PITPNC1: variants seen among roughly 807,000 people sequenced by gnomAD.
PITPNC1 encodes cytoplasmic phosphatidylinositol transfer protein 1.
A neutral mutation model predicts 44.7 loss-of-function variants in PITPNC1; 18 were observed. That is an observed-to-expected ratio of 0.40 (90% CI 0.28 to 0.60). The LOEUF (loss-of-function observed/expected upper bound fraction) is 0.60. Among genes scored for constraint, PITPNC1 ranks in the 20% least tolerant of loss-of-function variants. The pLI is 0.39. For synonymous variants in PITPNC1, 141 were observed against 149.6 expected (o/e 0.94, Z 0.42); for missense variants, 290 against 418.4 (o/e 0.69, Z 2.68).
chr17:67,415,394 C>G (rs904821140), intron 1 of PITPNC1, among the ~76,000 whole-genome samples: 1 of 152,188 alleles, frequency 6.6e-6, no homozygotes, highest in Non-Finnish European at 1.5e-5. Context: ...ACAAGACGCA[C>G]GTCATCGTCT....
At chr17:67,689,052 A>G (rs1293339234) in intron 8 of PITPNC1, among the ~76,000 whole-genome samples, 1 of 152,054 alleles carries the variant, frequency 6.6e-6, no homozygotes, top group Admixed American at 6.6e-5. Flanking sequence ...AAAATACAAA[A>G]TTAGCTGGGC....
At chr17:67,584,985 G>A (rs144122298) in intron 5 of PITPNC1, among the ~76,000 whole-genome samples, 2,517 of 152,100 alleles carry the variant, frequency 0.017, 34 homozygotes, top group South Asian at 0.045. Context: ...GCATGGTGGC[G>A]CATGCCTGTA....
At chr17:67,513,338 A>C (rs975401627) in intron 1 of PITPNC1, among the ~76,000 whole-genome samples, 77 of 149,748 alleles carry the variant, frequency 5.1e-4, no homozygotes, top group South Asian at 1.0e-3. Context: ...AGCCTGGGTG[A>C]CACAGGAAGA....
Position 67,597,326 on chromosome 17 carries a change from G to T in PITPNC1, c.366+19069G>T, listed in dbSNP as rs1456179080. Among the ~76,000 whole-genome samples the T allele has an allele frequency of 6.6e-6, 1 of 152,132 alleles. No homozygotes were observed. The highest frequency in any genetic ancestry group is 1.5e-5 in the Non-Finnish European group (1 of 68,030). On this transcript the variant is annotated intron_variant, in intron 5 of 8. Transcript: ENST00000581322. This position sits in a 1 kb window ranked among gnomAD's most constrained non-coding sequence, Gnocchi z 4.0. ...CCCCGCACTTTGGGAGGCCAAAGTG[G>T]GTATCTTACTTGAAGTCAGGAATTC...
chr17:67,665,376 A>C (rs1296341982), intron 6 of PITPNC1, among the ~76,000 whole-genome samples: 1 of 152,130 alleles, frequency 6.6e-6, no homozygotes, highest in African/African-American at 2.4e-5. Context: ...TACAGGCGTG[A>C]GCCACTGCAC....
chr17:67,383,560 C>G (rs1384345867), intron 1 of PITPNC1, among the ~76,000 whole-genome samples: 1 of 152,130 alleles, frequency 6.6e-6, no homozygotes, highest in Non-Finnish European at 1.5e-5. Flanking sequence ...CGCAGCCACT[C>G]GGTCCCAGTG....
chr17:67,400,704 G>T (rs2038294364), intron 1 of PITPNC1, among the ~76,000 whole-genome samples: 2 of 151,536 alleles, frequency 1.3e-5, no homozygotes, highest in Admixed American at 1.3e-4. Flanking sequence ...TTCCTAATGT[G>T]ATTCTTCTTA....
At chr17:67,509,763 G>A (rs761431555) in intron 1 of PITPNC1, among the ~76,000 whole-genome samples, 38 of 152,136 alleles carry the variant, frequency 2.5e-4, no homozygotes, top group Admixed American at 2.4e-3. Context: ...TGGGGGTGGG[G>A]AGGAAGAATC....
At chr17:67,664,817 A>G (rs1243622891) in intron 6 of PITPNC1, among the ~76,000 whole-genome samples, 1 of 151,524 alleles carries the variant, frequency 6.6e-6, no homozygotes, top group Non-Finnish European at 1.5e-5. Context: ...AGGCAAAAGA[A>G]TTGCTTGAAC....
chr17:67,533,937 CA>C (rs2040495626), intron 2 of PITPNC1, among the ~76,000 whole-genome samples: 1 of 151,972 alleles, frequency 6.6e-6, no homozygotes, highest in Admixed American at 6.6e-5. Flanking sequence ...CTCTATTGCC[CA>C]GACGGGAGTG....
Position 67,619,038 on chromosome 17 carries a change from G to A in PITPNC1, c.367-13105G>A, listed in dbSNP as rs544198628. On this transcript the variant is annotated intron_variant, in intron 5 of 8. Coordinates refer to ENST00000581322, the MANE Select transcript of PITPNC1 (RefSeq NM_012417.4). ...TGCGCCACTGCACTCCAGCCTGGGC[G>A]ACAGAGTGAGACTCTGTCTCAAAAA... Among the ~76,000 whole-genome samples the A allele has an allele frequency of 2.6e-5, 4 of 152,018 alleles. No homozygotes were observed. In the East Asian group the frequency reaches 5.8e-4, roughly 22 times the overall value.
intron 6 of PITPNC1, among the ~76,000 whole-genome samples, chr17:67,664,663 G>C (rs2042396530): frequency 6.6e-6 from 1 of 152,154 alleles, no homozygotes; most frequent in South Asian, 2.1e-4. Flanking sequence ...CAGCACTTCG[G>C]GAGGTCGAGG....
intron 1 of PITPNC1, among the ~76,000 whole-genome samples, chr17:67,386,239 T>TG (rs1431170945): frequency 6.6e-6 from 1 of 152,252 alleles, no homozygotes; most frequent in Non-Finnish European, 1.5e-5. Flanking sequence ...TCGCCCAGGC[T>TG]GGAGTGCAGT....
intron 1 of PITPNC1, among the ~76,000 whole-genome samples, chr17:67,526,673 A>T (rs2040395108): frequency 6.6e-6 from 1 of 151,970 alleles, no homozygotes; most frequent in Non-Finnish European, 1.5e-5. Context: ...CAGAGGTTGC[A>T]GTGAGCCAAG....
At chr17:67,430,654 A>AAAC (rs978686294) in intron 1 of PITPNC1, among the ~76,000 whole-genome samples, 1 of 151,392 alleles carries the variant, frequency 6.6e-6, no homozygotes, top group African/African-American at 2.4e-5. Context: ...CTCTGTCTCT[A>AAAC]AACAACAACA....
At chr17:67,412,802 G>A (rs1448657077) in intron 1 of PITPNC1, among the ~76,000 whole-genome samples, 1 of 152,198 alleles carries the variant, frequency 6.6e-6, no homozygotes, top group Non-Finnish European at 1.5e-5. Context: ...CTGAGCTCAG[G>A]TGATCCTCCC....
chr17:67,512,875 A>G (rs1415497590), intron 1 of PITPNC1, among the ~76,000 whole-genome samples: 1 of 152,034 alleles, frequency 6.6e-6, no homozygotes, highest in South Asian at 2.1e-4. Context: ...AAGCTCGATC[A>G]CTCATTCATT....
At chr17:67,629,915 A>G (rs951005866) in intron 5 of PITPNC1, among the ~76,000 whole-genome samples, 3 of 152,206 alleles carry the variant, frequency 2.0e-5, no homozygotes, top group Non-Finnish European at 4.4e-5. Context: ...TAGGGAGTTA[A>G]TCTCCTTGGA....
intron 1 of PITPNC1, among the ~76,000 whole-genome samples, chr17:67,473,620 A>AT (rs2039583106): frequency 6.6e-6 from 1 of 151,702 alleles, no homozygotes; most frequent in South Asian, 2.1e-4. Flanking sequence ...GCTTTTTAAT[A>AT]TTTTTTGGAG....
Sources: allele counts gnomAD v4.1 joint callset (sites outside exome capture counted in the v4.1 genomes callset), GRCh38; gene constraint gnomAD v4.1.1; non-coding constraint Gnocchi (gnomAD v3.1); transcripts MANE v1.5; gene names NCBI Gene and HGNC (gene_info 2026-07-23, HGNC 2026-07-21).